PPP1R12B: variants seen among roughly 807,000 people sequenced by gnomAD.
PPP1R12B encodes the protein myosin phosphatase target subunit 2.
A neutral mutation model predicts 126.1 loss-of-function variants in PPP1R12B; 76 were observed. The ratio of observed to expected loss-of-function variants is 0.60; its 90% CI spans 0.50 to 0.73. PPP1R12B has a LOEUF of 0.73. Ranked by LOEUF, PPP1R12B falls within the 30% of genes least tolerant of loss-of-function variation. The probability of loss-of-function intolerance (pLI) is 0.00; values close to 1 mark genes in which losing one functional copy is unlikely to be tolerated. For missense variants in PPP1R12B, 1,052 were observed against 1,205.1 expected, an observed-to-expected ratio of 0.87 and a Z score of 1.88; for synonymous variants, 356 against 434.7, an observed-to-expected ratio of 0.82 and a Z score of 2.25.
chr1:202,489,125 A>ATAC (rs1417868611), intron 14 of PPP1R12B, among the ~76,000 whole-genome samples: 1 of 152,236 alleles, frequency 6.6e-6, no homozygotes, highest in African/African-American at 2.4e-5. Flanking sequence ...GTTGAATCTT[A>ATAC]TACTACATAG....
At chr1:202,394,703 G>A (rs1382330136) in intron 1 of PPP1R12B, among the ~76,000 whole-genome samples, 2 of 151,702 alleles carry the variant, frequency 1.3e-5, no homozygotes, top group Admixed American at 6.6e-5. Context: ...GCGGTGAGCC[G>A]AAATTGCACC....
At chr1:202,484,153 AT>A (rs1248600082) in intron 13 of PPP1R12B, among the ~76,000 whole-genome samples, 4 of 150,754 alleles carry the variant, frequency 2.7e-5, no homozygotes, top group Admixed American at 6.6e-5. Flanking sequence ...TATTTTGTAA[AT>A]TTTTTTTTCT....
chr1:202,443,003 A>G (rs1343288558), intron 12 of PPP1R12B: 8 of 726,670 alleles, frequency 1.1e-5, no homozygotes, highest in African/African-American at 1.9e-5. Flanking sequence ...ACAGTTTTCT[A>G]TTGCATTAAA....
At position 202,420,967 on chromosome 1, in the gene PPP1R12B, CTTTTTTTT is replaced by C. The variant is rs56164548; in HGVS notation, c.423-1639_423-1632del. ...CTATTGATTCTTTTCCCTCTGCCAA[CTTTTTTTT>C]TTTTTTTTTTTTTGAGATAGAGTCT... On this transcript the variant is annotated intron_variant, in intron 2 of 23. Coordinates refer to ENST00000608999, the MANE Select transcript of PPP1R12B (RefSeq NM_002481.4). Among the ~76,000 whole-genome samples the C allele has an allele frequency of 1.5e-3, 172 of 118,534 alleles. 1 individual carries two copies. Among genetic ancestry groups the C allele is most frequent in the Middle Eastern group, 4.5e-3 (1 of 224 alleles). The allele number at this position is 118,534 out of a possible 152,430, so 77.8% of individuals were successfully genotyped here.
At chr1:202,402,768 T>C (rs1666033631) in intron 1 of PPP1R12B, among the ~76,000 whole-genome samples, 1 of 152,086 alleles carries the variant, frequency 6.6e-6, no homozygotes, top group Admixed American at 6.5e-5. Context: ...ACACCTACAG[T>C]GAGGGGTAAC....
At chr1:202,405,204 C>T (rs574987670) in intron 1 of PPP1R12B, among the ~76,000 whole-genome samples, 35 of 152,222 alleles carry the variant, frequency 2.3e-4, no homozygotes, top group Non-Finnish European at 3.8e-4. Flanking sequence ...CTCAGCAGCC[C>T]GTGACTCTGT....
chr1:202,538,545 A>G (rs1395631909), intron 18 of PPP1R12B, among the ~76,000 whole-genome samples: 2 of 152,240 alleles, frequency 1.3e-5, no homozygotes, highest in Non-Finnish European at 2.9e-5. Context: ...GCAGTTAGAA[A>G]AGAATAGCAT....
intron 13 of PPP1R12B, among the ~76,000 whole-genome samples, chr1:202,485,887 G>A (rs962127055): frequency 3.3e-5 from 5 of 151,932 alleles, no homozygotes; most frequent in African/African-American, 4.8e-5. Flanking sequence ...TATTATTATT[G>A]TTATTATTAT....
At chr1:202,434,930 A>G (rs12741420) in intron 9 of PPP1R12B, among the ~76,000 whole-genome samples, 162 bp downstream of exon 9, 8,190 of 152,276 alleles carry the variant, frequency 0.054, 298 homozygotes, top group Non-Finnish European at 0.09. Flanking sequence ...GGCTTAAACA[A>G]CAGACATTTA....
intron 8 of PPP1R12B, among the ~76,000 whole-genome samples, chr1:202,433,371 CAG>C (rs1215674047): frequency 6.0e-4 from 92 of 152,222 alleles, no homozygotes; most frequent in African/African-American, 2.0e-3. Flanking sequence ...TCTCTGTAGC[CAG>C]GTCTTCACAT....
At chr1:202,356,185 CAAAT>C (rs755416632) in intron 1 of PPP1R12B, among the ~76,000 whole-genome samples, 17 of 152,038 alleles carry the variant, frequency 1.1e-4, no homozygotes, top group Non-Finnish European at 1.8e-4. Flanking sequence ...GACTGTGTCT[CAAAT>C]AAATAAGTAA....
At chr1:202,568,912 A>G (rs1042447139) in intron 22 of PPP1R12B, among the ~76,000 whole-genome samples, 3 of 152,178 alleles carry the variant, frequency 2.0e-5, no homozygotes, top group Non-Finnish European at 4.4e-5. Flanking sequence ...TTGCTTCTCC[A>G]TATATCTACT....
intron 13 of PPP1R12B, among the ~76,000 whole-genome samples, chr1:202,482,836 A>G (rs1677575428): frequency 6.6e-6 from 1 of 152,120 alleles, no homozygotes; most frequent in African/African-American, 2.4e-5. Context: ...GTCATGAAGC[A>G]TTTCTCCTAT....
intron 1 of PPP1R12B, among the ~76,000 whole-genome samples, chr1:202,364,951 G>A (rs900645049): frequency 1.3e-5 from 2 of 152,024 alleles, no homozygotes; most frequent in African/African-American, 4.8e-5. Context: ...GGCTCAAGCA[G>A]TCCTTCCACC....
chr1:202,541,314 G>A (rs1685109147), intron 18 of PPP1R12B, among the ~76,000 whole-genome samples: 1 of 151,944 alleles, frequency 6.6e-6, no homozygotes, highest in Non-Finnish European at 1.5e-5. Context: ...TTTGGTATAT[G>A]GCATGTTGGT....
chr1:202,510,353 C>G (rs1367665048), intron 18 of PPP1R12B, among the ~76,000 whole-genome samples: 1 of 152,132 alleles, frequency 6.6e-6, no homozygotes, highest in Non-Finnish European at 1.5e-5. Flanking sequence ...TAGACCTCTC[C>G]CCTTGAGATT....
chr1:202,526,272 GA>G (rs1683339332), intron 18 of PPP1R12B, among the ~76,000 whole-genome samples: 1 of 152,194 alleles, frequency 6.6e-6, no homozygotes, highest in Non-Finnish European at 1.5e-5. Context: ...TAGTGAAATA[GA>G]AAGCAAGACC....
intron 1 of PPP1R12B, among the ~76,000 whole-genome samples, chr1:202,394,413 T>C (rs1258618976): frequency 6.6e-6 from 1 of 152,140 alleles, no homozygotes; most frequent in Non-Finnish European, 1.5e-5. Context: ...TTAATTTTTT[T>C]TCTCTTAACA....
Position 202,584,806 on chromosome 1 carries a change from A to G in PPP1R12B, c.*4246A>G, listed in dbSNP as rs772687080. The stretch of plus-strand genomic sequence containing the variant: ...CAGCATTTAAGCAGAAAGAAAAGGG[A>G]AATTCTACTCTACCAGATGAGCCAC... On this transcript the variant is annotated 3_prime_UTR_variant, in exon 24 of 24. Transcript: ENST00000608999. The G allele has an allele frequency of 1.3e-5, 2 of 152,208 alleles. No homozygotes were observed. Among genetic ancestry groups the G allele is most frequent in the Non-Finnish European group, 2.9e-5 (2 of 68,040 alleles). The allele number at this position is 152,208 out of a possible 1,614,324, so 9.4% of individuals were successfully genotyped here.
Sources: allele counts gnomAD v4.1 joint callset (sites outside exome capture counted in the v4.1 genomes callset), GRCh38; gene constraint gnomAD v4.1.1; transcripts MANE v1.5; gene names NCBI Gene and HGNC (gene_info 2026-07-23, HGNC 2026-07-21).